The following MTMR2 variants were observed in gnomAD, a reference collection of about 807,000 sequenced individuals.
MTMR2 encodes the protein myotubularin related protein 2, also known as phosphatidylinositol-3,5-bisphosphate 3-phosphatase MTMR2.
A neutral mutation model predicts 86.9 loss-of-function variants in MTMR2; 55 were observed. That is an observed-to-expected ratio of 0.63 (90% confidence interval 0.51 to 0.79). The LOEUF (loss-of-function observed/expected upper bound fraction) is 0.79. MTMR2 is among the 30% of genes least tolerant of loss of function. The pLI, the probability that MTMR2 is intolerant of heterozygous loss-of-function variation, is 0.00. For missense variants in MTMR2, 659 were observed against 772.3 expected (o/e 0.85, Z 1.74); for synonymous variants, 241 against 266.8 (o/e 0.90, Z 0.94).
chr11:95,838,196 T>C lies in MTMR2; in HGVS notation c.1491A>G (p.Ala497=). ...VWQMTRQFPT[A]FEFNEYFLIT... ...TGAGAAAATACTCATTGAATTCAAA[T>C]GCGGTAGGAAACTGCAAATCAAACA... is the stretch of plus-strand genomic sequence containing the variant. The change falls in exon 13 of 15, where the codon GCA becomes GCG. Residue 497 remains alanine, a synonymous_variant. Coordinates refer to ENST00000346299, the MANE Select transcript of MTMR2 (RefSeq NM_016156.6). 1.3e-6 allele frequency: 2 copies of C among 1,593,192 alleles called. No individual in the cohort carries two copies. Among genetic ancestry groups the C allele is most frequent in the Non-Finnish European group, 1.7e-6 (2 of 1,161,420 alleles).
rs1423812677 is a variant in MTMR2 at position 95,836,192 on chromosome 11, A to G, written c.1726T>C (p.Trp576Arg). 3 of 1,612,698 alleles carry G rather than the reference A, an allele frequency of 1.9e-6. No individual in the cohort carries two copies. Among genetic ancestry groups the G allele is most frequent in the Non-Finnish European group, 2.5e-6 (3 of 1,179,062 alleles). The change falls in exon 14 of 15, where the codon TGG becomes CGG. Residue 576 changes from tryptophan (W) to arginine (R), a missense_variant. Trp to Arg is a moderately radical substitution (Grantham distance 101). This residue lies in a region of MTMR2 where 193 missense variants were observed against 191.6 expected (regional missense o/e 1.01). Transcript: ENST00000346299. ...PVASMRHLEL[W>R]VGYYIRWNPR... ...TTCCACCTTATGTAATATCCCACCC[A>G]GAGCTCTAGGTGGCGCATGCTGGCT...
At chr11:95,841,824 T>C (rs183271038) in intron 11 of MTMR2, 115 bp from the exon 12 acceptor site, 2 of 810,478 alleles carry the variant, frequency 2.5e-6, no homozygotes, top group East Asian at 2.7e-5. Context: ...AGTCGGGTGC[T>C]GTGGTTTACA....
chr11:95,861,885 AATTGGAAATCC>A, intron 5 of MTMR2, 96 bp downstream of exon 5: 1 of 876,374 alleles, frequency 1.1e-6, no homozygotes, highest in African/African-American at 1.7e-5. Context: ...TAACATTTCT[AATTGGAAATCC>A]ATTTTATATT....
At chr11:95,922,426 T>C (rs1045975940) in intron 1 of MTMR2, among the ~76,000 whole-genome samples, 1 of 152,160 alleles carries the variant, frequency 6.6e-6, no homozygotes, top group African/African-American at 2.4e-5. Flanking sequence ...CAACTGAACA[T>C]GTTAATCCTC....
intron 2 of MTMR2, among the ~76,000 whole-genome samples, chr11:95,867,140 GA>G: frequency 6.6e-6 from 1 of 151,984 alleles, no homozygotes; most frequent in South Asian, 2.1e-4. Context: ...AGAGTATACC[GA>G]AAAAAATCAA....
rs534097792 is a variant in MTMR2 at position 95,852,775 on chromosome 11, C to T, written c.655-2026G>A. Among the ~76,000 whole-genome samples the T allele has an allele frequency of 6.6e-5, 10 of 152,266 alleles. No individual in the cohort carries two copies. In the South Asian group the frequency reaches 1.9e-3, roughly 28 times the overall value. On this transcript the variant is annotated intron_variant, in intron 7 of 14. Coordinates refer to ENST00000346299, the MANE Select transcript of MTMR2 (RefSeq NM_016156.6). ...CGTGCTGGCCGGGCACGGTGGCTCA[C>T]GCCTGTAATCCCAGCACTTTGGGAG...
chr11:95,836,453 G>T, intron 13 of MTMR2, 129 bp from the exon 14 acceptor site: 1 of 822,090 alleles, frequency 1.2e-6, no homozygotes, highest in Non-Finnish European at 2.0e-6. Flanking sequence ...AGACTTCAGT[G>T]ATAAACCAAC....
At chr11:95,871,089 G>T (rs1369811378) in intron 2 of MTMR2, among the ~76,000 whole-genome samples, 1 of 152,164 alleles carries the variant, frequency 6.6e-6, no homozygotes, top group Non-Finnish European at 1.5e-5. Context: ...TGGCTGCATA[G>T]TATTCCATGG....
At chr11:95,879,862 T>C (rs908374167) in intron 2 of MTMR2, among the ~76,000 whole-genome samples, 6 of 152,132 alleles carry the variant, frequency 3.9e-5, no homozygotes, top group African/African-American at 9.7e-5. Context: ...ATATTATTTA[T>C]AGAATAAGCA....
At chr11:95,870,320 G>C (rs1356626638) in intron 2 of MTMR2, among the ~76,000 whole-genome samples, 1 of 151,952 alleles carries the variant, frequency 6.6e-6, no homozygotes, top group African/African-American at 2.4e-5. Context: ...GAGAAGTTAA[G>C]GACTTTAAAC....
chr11:95,880,827 T>A (rs973369928), intron 2 of MTMR2, among the ~76,000 whole-genome samples: 10 of 152,246 alleles, frequency 6.6e-5, no homozygotes, highest in African/African-American at 2.4e-4. Flanking sequence ...ATTTGGGTAC[T>A]AATCTTTTAT....
chr11:95,888,966 T>G (rs370368011), intron 1 of MTMR2, among the ~76,000 whole-genome samples: 1 of 152,066 alleles, frequency 6.6e-6, no homozygotes, highest in Admixed American at 6.6e-5. Flanking sequence ...ATACTACAAA[T>G]AGTTGAATAA....
intron 2 of MTMR2, among the ~76,000 whole-genome samples, chr11:95,872,123 T>C (rs2135504372): frequency 6.6e-6 from 1 of 152,300 alleles, no homozygotes; most frequent in Admixed American, 6.5e-5. Flanking sequence ...TGGTTCCATA[T>C]GAACTTTAAA....
At chr11:95,881,730 G>C (rs747149376) in intron 2 of MTMR2, among the ~76,000 whole-genome samples, 4 of 152,028 alleles carry the variant, frequency 2.6e-5, no homozygotes, top group Non-Finnish European at 4.4e-5. Context: ...TTTGTATATA[G>C]ATTTTCTCAG....
At chr11:95,922,764 A>C (rs750907469) in intron 1 of MTMR2, among the ~76,000 whole-genome samples, 2 of 152,234 alleles carry the variant, frequency 1.3e-5, no homozygotes, top group Non-Finnish European at 2.9e-5. Flanking sequence ...ATGGCAATGT[A>C]GAATGACGGG....
chr11:95,915,723 G>T (rs1024078641), intron 1 of MTMR2, among the ~76,000 whole-genome samples: 1 of 152,082 alleles, frequency 6.6e-6, no homozygotes, highest in African/African-American at 2.4e-5. Flanking sequence ...TTCTAGAAGA[G>T]GATAAAATAC....
At chr11:95,882,498 T>C (rs985453004) in intron 2 of MTMR2, 1 of 12,958 alleles carries the variant, frequency 7.7e-5, no homozygotes, top group African/African-American at 2.5e-4. Context: ...AGACTCCCTC[T>C]AAAATAAAAT....
intron 11 of MTMR2, among the ~76,000 whole-genome samples, chr11:95,843,286 T>TA (rs1863628397): frequency 6.6e-6 from 1 of 152,204 alleles, no homozygotes; most frequent in East Asian, 1.9e-4. Flanking sequence ...TATGGTATTA[T>TA]ATGATGAAAT....
chr11:95,894,970 G>T (rs1048104222), intron 1 of MTMR2, among the ~76,000 whole-genome samples: 2 of 152,002 alleles, frequency 1.3e-5, no homozygotes, highest in African/African-American at 4.8e-5. Flanking sequence ...AATTATACAA[G>T]ATAATTTCAT....
Sources: gnomAD v4.1 joint callset for allele counts (sites outside exome capture counted in the v4.1 genomes callset) on GRCh38, gnomAD v4.1.1 for gene constraint, gnomAD v4.1.1 regional missense constraint, MANE v1.5 for transcripts, NCBI Gene and HGNC (gene_info 2026-07-23, HGNC 2026-07-21) for gene names.